Variants in SPATA16 observed in about 807,000 individuals in gnomAD.
SPATA16 encodes the protein spermatogenesis-associated protein 16.
Under a neutral mutation model 63.3 loss-of-function variants are expected in SPATA16, and 36 were observed. The ratio of observed to expected loss-of-function variants is 0.57; its 90% CI spans 0.44 to 0.75. The LOEUF (loss-of-function observed/expected upper bound fraction) is 0.75, where lower values mean the gene tolerates loss of function less well. SPATA16 is among the 30% of genes least tolerant of loss of function. The pLI, the probability that SPATA16 is intolerant of heterozygous loss-of-function variation, is 0.00. For missense variants in SPATA16, 646 were observed against 679.3 expected, an observed-to-expected ratio of 0.95 and a Z score of 0.54; for synonymous variants, 203 against 216.7, an observed-to-expected ratio of 0.94 and a Z score of 0.56.
intron 1 of SPATA16, 121 bp from the exon 2 acceptor site, chr3:173,117,870 G>T: frequency 6.8e-7 from 1 of 1,462,710 alleles, no homozygotes; most frequent in Non-Finnish European, 9.3e-7. Flanking sequence ...TGCCTTGTAA[G>T]TAAAACTGTA....
intron 6 of SPATA16, among the ~76,000 whole-genome samples, chr3:172,930,503 A>G (rs1560070045): frequency 6.6e-6 from 1 of 151,122 alleles, no homozygotes; most frequent in Non-Finnish European, 1.5e-5. Context: ...CATCTAGCTC[A>G]TAAAGGGTTT....
chr3:173,072,319 A>T (rs1281896747), intron 2 of SPATA16, among the ~76,000 whole-genome samples: 1 of 152,196 alleles, frequency 6.6e-6, no homozygotes, highest in Non-Finnish European at 1.5e-5. Flanking sequence ...AGCAACAGAA[A>T]ACCAAATACT....
Position 172,978,550 on chromosome 3 carries a change from G to A in SPATA16, c.849-1498C>T, listed in dbSNP as rs184950242. On this transcript the variant is annotated intron_variant, in intron 4 of 10. Transcript: ENST00000351008. ...GAAAATATAGAAATTTTACTTTCAA[G>A]GACAACACGCCCTATATTTATAGGA... Among the ~76,000 whole-genome samples, 420 of 152,226 alleles carry A rather than the reference G, an allele frequency of 2.8e-3. 3 individuals are homozygous for A. Among genetic ancestry groups the A allele is most frequent in the African/African-American group, 9.4e-3 (390 of 41,528 alleles).
At chr3:172,934,214 G>A (rs1732932242) in intron 6 of SPATA16, among the ~76,000 whole-genome samples, 1 of 152,128 alleles carries the variant, frequency 6.6e-6, no homozygotes, top group Non-Finnish European at 1.5e-5. Flanking sequence ...TAAAAGTCAT[G>A]TGATCTCAAA....
intron 6 of SPATA16, among the ~76,000 whole-genome samples, chr3:172,954,708 G>C (rs1372688303): frequency 6.6e-6 from 1 of 152,152 alleles, no homozygotes; most frequent in Non-Finnish European, 1.5e-5. Flanking sequence ...CTCCAAGGCT[G>C]TGCACATACA....
At chr3:172,938,624 A>G (rs1169413010) in intron 6 of SPATA16, among the ~76,000 whole-genome samples, 1 of 152,176 alleles carries the variant, frequency 6.6e-6, no homozygotes, top group Non-Finnish European at 1.5e-5. Flanking sequence ...TGAGAAAAAT[A>G]TCTTGAGTTT....
rs1173966715 is a variant in SPATA16 at position 172,956,818 on chromosome 3, T to C, written c.940A>G (p.Ile314Val). ...TCAGCTCTGGTGATGGCTTCCTCAA[T>C]CATGGCCTAAGAGGAAACAAACAAC... Reference protein sequence around the residue: ...KLIKLYWQAMIEEAITRAESF... With the variant: ...KLIKLYWQAMVEEAITRAESF... The change falls in exon 6 of 11, where the codon ATT (isoleucine) becomes GTT (valine). Residue 314 changes from isoleucine (I) to valine (V), a missense_variant. Ile to Val is a conservative substitution (Grantham distance 29). Transcript: ENST00000351008. The C allele has an allele frequency of 6.2e-7, 1 of 1,613,352 alleles. No homozygotes were observed.
intron 3 of SPATA16, among the ~76,000 whole-genome samples, chr3:173,028,013 C>CCCTTCTTTCCTT (rs1735498783): frequency 2.0e-4 from 7 of 35,068 alleles, no homozygotes; most frequent in Admixed American, 1.5e-3. Context: ...CTCCCTCCCT[C>CCCTTCTTTCCTT]CCTTCCTTCT....
intron 10 of SPATA16, among the ~76,000 whole-genome samples, chr3:172,912,180 A>G (rs1732383852): frequency 6.6e-6 from 1 of 152,100 alleles, no homozygotes; most frequent in Non-Finnish European, 1.5e-5. Flanking sequence ...ACCACTACAC[A>G]TTCTTTAAAT....
intron 10 of SPATA16, among the ~76,000 whole-genome samples, chr3:172,891,745 C>A (rs763257733): frequency 1.3e-5 from 2 of 152,142 alleles, no homozygotes; most frequent in Non-Finnish European, 2.9e-5. Flanking sequence ...TCTATGCCCC[C>A]TCGATCTTCC....
At chr3:173,084,933 G>T (rs1737011575) in intron 2 of SPATA16, among the ~76,000 whole-genome samples, 1 of 152,158 alleles carries the variant, frequency 6.6e-6, no homozygotes, top group Non-Finnish European at 1.5e-5. Flanking sequence ...TTGTAGTATA[G>T]TTTGAAGTTG....
At chr3:172,891,820 C>A (rs549588334) in intron 10 of SPATA16, among the ~76,000 whole-genome samples, 122 of 152,198 alleles carry the variant, frequency 8.0e-4, no homozygotes, top group Middle Eastern at 3.2e-3. Context: ...ATCAATGCTT[C>A]AGGGAAGTCT....
At chr3:172,897,695 C>T (rs1168954888) in intron 10 of SPATA16, among the ~76,000 whole-genome samples, 3 of 152,026 alleles carry the variant, frequency 2.0e-5, no homozygotes, top group African/African-American at 7.2e-5. Context: ...ATTATGTTAT[C>T]TGCAAATAGG....
At chr3:173,055,577 T>A (rs955796293) in intron 2 of SPATA16, among the ~76,000 whole-genome samples, 12 of 152,208 alleles carry the variant, frequency 7.9e-5, no homozygotes, top group African/African-American at 2.4e-4. Context: ...GGAGAACAGA[T>A]TATTGATAAT....
chr3:173,067,037 A>G (rs1736537678), intron 2 of SPATA16, among the ~76,000 whole-genome samples: 1 of 152,138 alleles, frequency 6.6e-6, no homozygotes, highest in Non-Finnish European at 1.5e-5. Context: ...ATGCATTGGA[A>G]TTTCTCAATA....
At chr3:173,022,577 TA>T (rs1735357990) in intron 3 of SPATA16, among the ~76,000 whole-genome samples, 1 of 152,166 alleles carries the variant, frequency 6.6e-6, no homozygotes, top group Non-Finnish European at 1.5e-5. Flanking sequence ...CGATGCTTTC[TA>T]AAATGACATA....
chr3:172,950,100 C>A (rs1389396969), intron 6 of SPATA16, among the ~76,000 whole-genome samples: 1 of 152,146 alleles, frequency 6.6e-6, no homozygotes, highest in Admixed American at 6.5e-5. Context: ...TCTTTAAATG[C>A]AACTTGTCTG....
At chr3:172,899,607 A>G (rs924406012) in intron 10 of SPATA16, among the ~76,000 whole-genome samples, 9 of 151,928 alleles carry the variant, frequency 5.9e-5, no homozygotes, top group Admixed American at 6.6e-5. Context: ...TAATTAGTGT[A>G]TTTAGGCCAC....
chr3:173,033,692 G>A (rs1735654234), intron 3 of SPATA16, among the ~76,000 whole-genome samples: 1 of 151,986 alleles, frequency 6.6e-6, no homozygotes. Flanking sequence ...ACTTGGGTGA[G>A]GTTTATTTTA....
Sources: allele counts gnomAD v4.1 joint callset (sites outside exome capture counted in the v4.1 genomes callset), GRCh38; gene constraint gnomAD v4.1.1; transcripts MANE v1.5; gene names NCBI Gene and HGNC (gene_info 2026-07-23, HGNC 2026-07-21).